ZNF609: variants seen among roughly 807,000 people sequenced by gnomAD.
The protein encoded by ZNF609 is zinc finger protein 609.
Under a neutral mutation model 109.5 loss-of-function variants are expected in ZNF609, and 11 were observed. That is an observed-to-expected ratio of 0.10 (90% confidence interval 0.06 to 0.17). ZNF609 has a LOEUF of 0.17. Ranked by LOEUF, ZNF609 falls within the 10% of genes least tolerant of loss-of-function variation. ZNF609 has a pLI of 1.00. For missense variants in ZNF609, 1,559 were observed against 1,772.4 expected (o/e 0.88, Z 2.16); for synonymous variants, 646 against 662.0 (o/e 0.98, Z 0.37).
chr15:64,463,375 GGTGATA>G (rs888981388), intron 1 of ZNF609, among the ~76,000 whole-genome samples: 2 of 151,472 alleles, frequency 1.3e-5, no homozygotes, highest in Non-Finnish European at 2.9e-5. Context: ...CTCCAGCCTG[GGTGATA>G]GAGCAGGACC....
At chr15:64,634,078 A>ATGTGTG (rs894521951) in intron 3 of ZNF609, among the ~76,000 whole-genome samples, 1 of 151,532 alleles carries the variant, frequency 6.6e-6, no homozygotes, top group African/African-American at 2.4e-5. Context: ...GCATATATAT[A>ATGTGTG]TGTGTGTGTG....
intron 2 of ZNF609, among the ~76,000 whole-genome samples, chr15:64,617,755 G>T (rs1382921273): frequency 1.3e-5 from 2 of 152,106 alleles, no homozygotes; most frequent in African/African-American, 4.8e-5. Flanking sequence ...ACTCCAGCCT[G>T]GGCAACAAGA....
intron 2 of ZNF609, among the ~76,000 whole-genome samples, chr15:64,536,119 C>G (rs1434057031): frequency 2.0e-5 from 3 of 152,132 alleles, no homozygotes; most frequent in Admixed American, 1.3e-4. Context: ...CTCCTCAGCT[C>G]AAGCTGTCCT....
chr15:64,460,474 G>A (rs998603344), upstream of ZNF609, among the ~76,000 whole-genome samples: 1 of 152,166 alleles, frequency 6.6e-6, no homozygotes, highest in African/African-American at 2.4e-5. Flanking sequence ...CCTTCATCCA[G>A]GTTCCGGGTT....
In ZNF609 at chr15:64,622,824, C is replaced by T; in HGVS notation, c.748-3C>T. The T allele has an allele frequency of 6.2e-7, 1 of 1,613,962 alleles. No individual in the cohort carries two copies. The highest frequency in any genetic ancestry group is 2.2e-5 in the East Asian group (1 of 44,890). On this transcript the variant is annotated splice_polypyrimidine_tract_variant and splice_region_variant and intron_variant, in intron 2 of 9. Coordinates refer to ENST00000326648, the MANE Select transcript of ZNF609 (RefSeq NM_015042.2). ...CAGCTACTACTTTTTCTTCCCTCCA[C>T]AGATGGAGTCCCCTGTTTCCACACC...
rs774259983 is a variant in ZNF609, at chr15:64,617,329, T to TA, written c.748-5483dup. ...CAGCCACCATTCCCGGCCAAAAAAT[T>TA]AAAAAAAAAAAAAAATTAGCCTAGC... On this transcript the variant is annotated intron_variant, in intron 2 of 9. Coordinates refer to ENST00000326648, the MANE Select transcript of ZNF609 (RefSeq NM_015042.2). Among the ~76,000 whole-genome samples the TA allele has an allele frequency of 8.5e-3, 1,180 of 139,558 alleles. 17 individuals are homozygous for TA. The highest frequency in any genetic ancestry group is 0.025 in the African/African-American group (960 of 38,036). 91.6% of individuals were successfully genotyped at this position (139,558 alleles called of 152,430 possible).
chr15:64,613,634 G>A (rs889661716), intron 2 of ZNF609, among the ~76,000 whole-genome samples: 2 of 149,656 alleles, frequency 1.3e-5, no homozygotes, highest in Non-Finnish European at 3.0e-5. Flanking sequence ...CACTGCAGCC[G>A]CCGCCTGCCG....
At chr15:64,489,676 C>T (rs1893385153) in intron 1 of ZNF609, among the ~76,000 whole-genome samples, 1 of 151,482 alleles carries the variant, frequency 6.6e-6, no homozygotes, top group Non-Finnish European at 1.5e-5. Context: ...ATTACAGGCA[C>T]CCGCCACCAT....
chr15:64,607,899 T>C (rs1196066620), intron 2 of ZNF609, among the ~76,000 whole-genome samples: 20 of 106,504 alleles, frequency 1.9e-4, no homozygotes, highest in African/African-American at 4.8e-4. Context: ...TTCTTTCTTT[T>C]TTTTTTTTTT....
In ZNF609 at chr15:64,529,330, C is replaced by G. The variant is rs137989755; in HGVS notation, c.747+29164C>G. ...GAGATGTTGACCCTTTTGGCTCCCC[C>G]CTGCAAGTGAGCCCCAGCCTTCTCC... On this transcript the variant is annotated intron_variant, in intron 2 of 9. Transcript: ENST00000326648. 1,247 of 725,336 alleles carry G rather than the reference C, an allele frequency of 1.7e-3. 4 individuals carry two copies. The highest frequency in any genetic ancestry group is 9.9e-3 in the Middle Eastern group (33 of 3,346). The allele number at this position is 725,336 out of a possible 1,614,324, so 44.9% of individuals were successfully genotyped here.
intron 3 of ZNF609, among the ~76,000 whole-genome samples, chr15:64,651,025 A>G (rs1244029384): frequency 6.6e-6 from 1 of 152,064 alleles, no homozygotes. Flanking sequence ...AATAGGAAGG[A>G]TTTTTTTAGT....
At chr15:64,576,050 C>T (rs1447862910) in intron 2 of ZNF609, among the ~76,000 whole-genome samples, 1 of 152,036 alleles carries the variant, frequency 6.6e-6, no homozygotes, top group Non-Finnish European at 1.5e-5. Context: ...TGCAGTGAGC[C>T]GAGATCGCGC....
chr15:64,505,728 G>C (rs191772991), intron 2 of ZNF609, among the ~76,000 whole-genome samples: 3 of 152,304 alleles, frequency 2.0e-5, no homozygotes, highest in Non-Finnish European at 4.4e-5. Flanking sequence ...AGTCTCTCCA[G>C]ATAATTGCTA....
chr15:64,581,944 T>A (rs932939043), intron 2 of ZNF609, among the ~76,000 whole-genome samples: 2 of 152,188 alleles, frequency 1.3e-5, no homozygotes, highest in African/African-American at 2.4e-5. Flanking sequence ...AAGGCTTTTT[T>A]AGTTCCTGGC....
In ZNF609 at chr15:64,686,009, AT is replaced by A. The variant is rs1182424264; in HGVS notation, c.*4324del. 1 of 152,022 alleles carries A rather than the reference AT, an allele frequency of 6.6e-6. No homozygotes were observed. Among genetic ancestry groups the A allele is most frequent in the Non-Finnish European group, 1.5e-5 (1 of 68,020 alleles). The allele number at this position is 152,022 out of a possible 1,614,324, so 9.4% of individuals were successfully genotyped here. A position where few individuals can be genotyped will look rare whatever the true frequency, so the allele number is the denominator to read the frequency against. On this transcript the variant is annotated 3_prime_UTR_variant, in exon 10 of 10. Transcript: ENST00000326648. ...TCTTAATTGGCTTTGGAATTGAAAT[AT>A]ATTTTTAAATTATTTGTTGTATTTA... is the stretch of plus-strand genomic sequence containing the variant.
chr15:64,554,583 A>C lies in ZNF609; in HGVS notation c.747+54417A>C, dbSNP rs373390007. ...GGCTGAGGGGAGATCAGTTGAGCCC[A>C]GGAGGTCCAGGCTACAGTGAACCAT... On this transcript the variant is annotated intron_variant, in intron 2 of 9. Transcript: ENST00000326648. 2.6e-5 allele frequency among the ~76,000 whole-genome samples: 4 copies of C among 152,224 alleles called. No homozygotes were observed. In the East Asian group the frequency reaches 7.7e-4, roughly 29 times the overall value.
At chr15:64,504,441 T>G (rs2140353611) in intron 2 of ZNF609, among the ~76,000 whole-genome samples, 1 of 152,268 alleles carries the variant, frequency 6.6e-6, no homozygotes, top group South Asian at 2.1e-4. Context: ...TCAGGAAGGA[T>G]TCTCAATTTT....
At chr15:64,478,439 C>T (rs773542375) in intron 1 of ZNF609, among the ~76,000 whole-genome samples, 4 of 152,050 alleles carry the variant, frequency 2.6e-5, no homozygotes, top group African/African-American at 7.2e-5. Context: ...GTTGCGATCT[C>T]GGCTCACTGC....
rs1401785181 is a variant in ZNF609 at position 64,593,388 on chromosome 15, G to A, written c.748-29439G>A. 5.0e-6 allele frequency: 4 copies of A among 805,918 alleles called. No individual in the cohort carries two copies. In the African/African-American group the frequency reaches 5.1e-5, roughly 10 times the overall value. 49.9% of individuals were successfully genotyped at this position (805,918 alleles called of 1,614,324 possible). On this transcript the variant is annotated intron_variant, in intron 2 of 9. Coordinates refer to ENST00000326648, the MANE Select transcript of ZNF609 (RefSeq NM_015042.2). ...TCTGGAGAAAAATAAAATGGAAATT[G>A]TACTTAAATAAATAAATAAAAATAA...
Sources: gnomAD v4.1 joint callset for allele counts (sites outside exome capture counted in the v4.1 genomes callset) on GRCh38, gnomAD v4.1.1 for gene constraint, MANE v1.5 for transcripts, NCBI Gene and HGNC (gene_info 2026-07-23, HGNC 2026-07-21) for gene names.